PCDHA5: variants seen among roughly 807,000 people sequenced by gnomAD.
PCDHA5 encodes the protein protocadherin alpha-5.
A neutral mutation model predicts 61.6 loss-of-function variants in PCDHA5; 43 were observed. The ratio of observed to expected loss-of-function variants is 0.70; its 90% CI spans 0.55 to 0.90. The LOEUF (loss-of-function observed/expected upper bound fraction) is 0.90. Ranked by LOEUF, PCDHA5 falls within the 40% of genes least tolerant of loss-of-function variation. The pLI is 0.00. For missense variants in PCDHA5, 1,298 were observed against 1,222.7 expected, an observed-to-expected ratio of 1.06 and a Z score of -0.92; for synonymous variants, 627 against 543.9, an observed-to-expected ratio of 1.15 and a Z score of -2.13.
chr5:140,857,463 A>G (rs782545869), intron 1 of PCDHA5: 3 of 1,598,592 alleles, frequency 1.9e-6, no homozygotes, highest in Non-Finnish European at 2.6e-6. Context: ...CCAGGCTGCC[A>G]CATCTTCACG....
chr5:140,939,037 T>C (rs1295630675), intron 1 of PCDHA5, among the ~76,000 whole-genome samples: 2 of 152,212 alleles, frequency 1.3e-5, no homozygotes, highest in African/African-American at 4.8e-5. Context: ...TCGGAAGAGT[T>C]GTCTTAGTCC....
intron 1 of PCDHA5, chr5:140,856,972 C>T: frequency 6.3e-7 from 1 of 1,594,490 alleles, no homozygotes; most frequent in Non-Finnish European, 8.6e-7. Context: ...ATGCTATTGA[C>T]TTTGAGGACA....
intron 1 of PCDHA5, chr5:140,850,245 T>C (rs2150475422): frequency 5.6e-6 from 9 of 1,593,300 alleles, no homozygotes; most frequent in Non-Finnish European, 6.9e-6. Context: ...GGTGCTGCGG[T>C]CGGTGGGCGC....
intron 1 of PCDHA5, chr5:140,828,964 CCACTTTAGCA>C (rs1251585912): frequency 6.2e-7 from 1 of 1,614,030 alleles, no homozygotes; most frequent in African/African-American, 1.3e-5. Context: ...TGGTTATTGA[CCACTTTAGCA>C]TAGATCGAAA....
At chr5:140,877,205 GCGAGTTGGTACCGCGGT>G in intron 1 of PCDHA5, 1 of 1,613,826 alleles carries the variant, frequency 6.2e-7, no homozygotes, top group Non-Finnish European at 8.5e-7. Flanking sequence ...GGCGCAGTTA[GCGAGTTGGTACCGCGGT>G]CGGTGGGTGC....
At chr5:140,856,715 G>A (rs1233191211) in intron 1 of PCDHA5, 4 of 1,596,328 alleles carry the variant, frequency 2.5e-6, no homozygotes, top group Admixed American at 1.7e-5. Context: ...TGAATTTACC[G>A]GATCTGTTTC....
At position 140,941,204 on chromosome 5, in the gene PCDHA5, TTTCTTTCTTC is replaced by T. The variant is rs1554213952; in HGVS notation, c.2353-37744_2353-37735del. Among the ~76,000 whole-genome samples, 512 of 88,682 alleles carry T rather than the reference TTTCTTTCTTC, an allele frequency of 5.8e-3. 4 individuals are homozygous for T. Among genetic ancestry groups the T allele is most frequent in the African/African-American group, 0.011 (178 of 16,048 alleles). The allele number at this position is 88,682 out of a possible 152,430, so 58.2% of individuals were successfully genotyped here. ...CTGCTTCTTTTTTTTTCTTTCTTCC[TTTCTTTCTTC>T]CTTTCTTTCTTTCTTTCTTTCTTTC... On this transcript the variant is annotated intron_variant, in intron 1 of 3. Coordinates refer to ENST00000529859, the MANE Select transcript of PCDHA5 (RefSeq NM_018908.3).
intron 2 of PCDHA5, among the ~76,000 whole-genome samples, chr5:140,979,622 T>C (rs1300997272): frequency 6.6e-6 from 1 of 152,246 alleles, no homozygotes; most frequent in Non-Finnish European, 1.5e-5. Flanking sequence ...GGTATTAGTC[T>C]AAGACTCAGA....
rs544683188 is a variant in PCDHA5 at position 140,871,907 on chromosome 5, C to G, written c.2352+47780C>G. ...TCTTTGTCTTTTAGCAGAGTTTTGC[C>G]TTGATATTTCCACATTGTTAGATCA... On this transcript the variant is annotated intron_variant, in intron 1 of 3. Coordinates refer to ENST00000529859, the MANE Select transcript of PCDHA5 (RefSeq NM_018908.3). Among the ~76,000 whole-genome samples the G allele has an allele frequency of 3.9e-5, 6 of 152,316 alleles. No homozygotes were observed. In the South Asian group the frequency reaches 1.2e-3, roughly 32 times the overall value.
chr5:140,929,124 C>A (rs2085843450), intron 1 of PCDHA5: 5 of 1,614,048 alleles, frequency 3.1e-6, no homozygotes, highest in Admixed American at 3.3e-5. Context: ...CCATAGATGT[C>A]ACTACAGTTG....
chr5:140,850,861 C>T, intron 1 of PCDHA5: 9 of 1,592,808 alleles, frequency 5.7e-6, no homozygotes, highest in Non-Finnish European at 6.9e-6. Flanking sequence ...ACGGGAGAAC[C>T]CTCTGCTTCC....
intron 1 of PCDHA5, chr5:140,842,447 G>C (rs200777298): frequency 6.2e-7 from 1 of 1,613,790 alleles, no homozygotes; most frequent in Non-Finnish European, 8.5e-7. Context: ...TAGCGTGAAC[G>C]ACCTCGATTC....
At chr5:140,843,385 T>A in intron 1 of PCDHA5, 1 of 1,595,902 alleles carries the variant, frequency 6.3e-7, no homozygotes, top group South Asian at 1.1e-5. Flanking sequence ...GCGTTTTGGG[T>A]CCGGAAGCGG....
intron 1 of PCDHA5, among the ~76,000 whole-genome samples, chr5:140,963,050 G>A (rs2095732681): frequency 6.6e-6 from 1 of 152,030 alleles, no homozygotes; most frequent in African/African-American, 2.4e-5. Flanking sequence ...AGTCTATAAG[G>A]GTTTCTACAT....
intron 1 of PCDHA5, among the ~76,000 whole-genome samples, chr5:140,949,414 C>G (rs887325816): frequency 6.6e-6 from 1 of 151,940 alleles, no homozygotes; most frequent in Non-Finnish European, 1.5e-5. Context: ...CACCTATCAT[C>G]ATTGTGTTTA....
chr5:140,953,364 G>T (rs1177357093), intron 1 of PCDHA5, among the ~76,000 whole-genome samples: 1 of 152,088 alleles, frequency 6.6e-6, no homozygotes, highest in Non-Finnish European at 1.5e-5. Flanking sequence ...TGCACTCAAG[G>T]ATTCTCTACC....
At chr5:140,849,965 G>C (rs2150460683) in intron 1 of PCDHA5, 1 of 1,597,882 alleles carries the variant, frequency 6.3e-7, no homozygotes, top group East Asian at 2.2e-5. Context: ...ACGCCCTGGT[G>C]TCCTACTCGC....
chr5:140,978,836 A>G (rs891146888), intron 1 of PCDHA5, 113 bp from the exon 2 acceptor site: 1 of 1,552,522 alleles, frequency 6.4e-7, no homozygotes, highest in Non-Finnish European at 8.7e-7. Context: ...GGCTCATTCA[A>G]TACTTTTTTA....
intron 1 of PCDHA5, chr5:140,834,950 A>C: frequency 1.3e-6 from 2 of 1,550,084 alleles, no homozygotes; most frequent in Non-Finnish European, 1.8e-6. Context: ...ACCAGCAGGT[A>C]AAACCTCTTG....
Sources: gnomAD v4.1 joint callset for allele counts (sites outside exome capture counted in the v4.1 genomes callset) on GRCh38, gnomAD v4.1.1 for gene constraint, MANE v1.5 for transcripts, NCBI Gene and HGNC (gene_info 2026-07-23, HGNC 2026-07-21) for gene names.